The following SGCD variants were observed in gnomAD, a reference collection of about 807,000 sequenced individuals.
SGCD encodes the protein sarcoglycan delta.
A neutral mutation model predicts 36.6 loss-of-function variants in SGCD; 18 were observed. That is an observed-to-expected ratio of 0.49 (90% CI 0.34 to 0.73). SGCD has a LOEUF of 0.73. Ranked by LOEUF, SGCD falls within the 30% of genes least tolerant of loss-of-function variation. The pLI is 0.01. For missense variants in SGCD, 387 were observed against 346.7 expected (o/e 1.12, Z -0.92); for synonymous variants, 133 against 130.6 (o/e 1.02, Z -0.12).
chr5:155,764,398 A>T, the SGCD span, among the ~76,000 whole-genome samples: 1 of 152,136 alleles, frequency 6.6e-6, no homozygotes, highest in African/African-American at 2.4e-5. Flanking sequence ...TGTGGCTCAG[A>T]TAATTGAGGT....
chr5:156,109,844 A>G (rs576547603), intron 1 of SGCD, among the ~76,000 whole-genome samples: 2 of 152,258 alleles, frequency 1.3e-5, no homozygotes, highest in Admixed American at 6.5e-5. Context: ...ACTGTGACAA[A>G]TGTTTCAAAG....
chr5:156,758,678 G>A (rs751327650), intron 8 of SGCD, among the ~76,000 whole-genome samples: 5 of 151,878 alleles, frequency 3.3e-5, no homozygotes, highest in South Asian at 2.1e-4. Context: ...AGTTATAATC[G>A]TAAATCTAAT....
intron 3 of SGCD, among the ~76,000 whole-genome samples, chr5:156,134,760 G>T (rs940610688): frequency 2.0e-5 from 3 of 151,572 alleles, no homozygotes; most frequent in African/African-American, 7.3e-5. Context: ...TGAGTTAATG[G>T]GTGCAGCACA....
chr5:155,793,839 G>A, the SGCD span, among the ~76,000 whole-genome samples: 19 of 151,588 alleles, frequency 1.3e-4, no homozygotes, highest in East Asian at 1.9e-4. Flanking sequence ...ATGAGCCACC[G>A]CGCTCATCCA....
intron 1 of SGCD, among the ~76,000 whole-genome samples, chr5:155,887,368 A>G (rs1283009287): frequency 1.3e-5 from 2 of 152,178 alleles, no homozygotes; most frequent in Non-Finnish European, 2.9e-5. Context: ...CTACATTTCC[A>G]ACTTTATTAC....
chr5:156,220,462 A>C (rs904026695), intron 3 of SGCD, among the ~76,000 whole-genome samples: 9 of 152,306 alleles, frequency 5.9e-5, no homozygotes, highest in African/African-American at 4.8e-5. Flanking sequence ...TACTTATTGA[A>C]AAATTATCAG....
At chr5:156,224,470 T>G (rs1434351675) in intron 3 of SGCD, among the ~76,000 whole-genome samples, 1 of 152,166 alleles carries the variant, frequency 6.6e-6, no homozygotes, top group Non-Finnish European at 1.5e-5. Flanking sequence ...TGCTTCAATC[T>G]ATCGTTATCA....
At chr5:156,048,336 C>A (rs1480138670) in intron 1 of SGCD, among the ~76,000 whole-genome samples, 1 of 152,056 alleles carries the variant, frequency 6.6e-6, no homozygotes, top group Non-Finnish European at 1.5e-5. Context: ...GGGTATATAC[C>A]CAGTAATGAG....
chr5:156,506,174 A>T (rs1756684158), intron 3 of SGCD, among the ~76,000 whole-genome samples: 1 of 152,194 alleles, frequency 6.6e-6, no homozygotes, highest in African/African-American at 2.4e-5. Context: ...TTCTGAAACT[A>T]TTCTGTGTGT....
intron 1 of SGCD, among the ~76,000 whole-genome samples, chr5:155,891,739 T>C (rs1408145544): frequency 6.6e-6 from 1 of 151,864 alleles, no homozygotes; most frequent in East Asian, 1.9e-4. Flanking sequence ...AGAGTTGCCA[T>C]AATGGAGAAG....
At chr5:156,605,701 C>T (rs1761410396) in intron 6 of SGCD, among the ~76,000 whole-genome samples, 1 of 152,228 alleles carries the variant, frequency 6.6e-6, no homozygotes, top group South Asian at 2.1e-4. Context: ...CACATCCTCT[C>T]CAGCACTTGT....
At chr5:156,533,271 A>T (rs1757963328) in intron 4 of SGCD, among the ~76,000 whole-genome samples, 1 of 152,128 alleles carries the variant, frequency 6.6e-6, no homozygotes, top group East Asian at 1.9e-4. Flanking sequence ...CAAACTGCAG[A>T]TCTCCTAAAT....
At chr5:156,311,006 T>G (rs1767376492) in intron 3 of SGCD, among the ~76,000 whole-genome samples, 1 of 152,172 alleles carries the variant, frequency 6.6e-6, no homozygotes, top group East Asian at 1.9e-4. Context: ...AAATTTCTAG[T>G]TAGAGGGAAC....
At chr5:156,360,868 T>C (rs1769751608) in intron 3 of SGCD, among the ~76,000 whole-genome samples, 1 of 152,004 alleles carries the variant, frequency 6.6e-6, no homozygotes, top group Admixed American at 6.5e-5. Flanking sequence ...CTCATTCTAC[T>C]TGGATGCCAG....
At chr5:156,414,858 T>C (rs899154078) in intron 3 of SGCD, among the ~76,000 whole-genome samples, 2 of 152,244 alleles carry the variant, frequency 1.3e-5, no homozygotes, top group Non-Finnish European at 2.9e-5. Context: ...TGAGCAATGA[T>C]TGCTTTTATA....
chr5:156,709,668 A>T (rs898225858), intron 7 of SGCD, among the ~76,000 whole-genome samples: 1 of 152,044 alleles, frequency 6.6e-6, no homozygotes, highest in African/African-American at 2.4e-5. Flanking sequence ...AATGAATTAT[A>T]CTCTTGCACA....
chr5:155,761,572 T>C, the SGCD span, among the ~76,000 whole-genome samples: 2 of 125,734 alleles, frequency 1.6e-5, no homozygotes, highest in Non-Finnish European at 3.3e-5. Context: ...TCCATCAACT[T>C]CTCCGTCATC....
chr5:156,712,830 T>C (rs1581444378), intron 7 of SGCD, among the ~76,000 whole-genome samples: 2 of 152,290 alleles, frequency 1.3e-5, no homozygotes, highest in Middle Eastern at 6.8e-3. Context: ...TCCCACCCAC[T>C]GTCTATCAAT....
intron 3 of SGCD, among the ~76,000 whole-genome samples, chr5:156,394,275 C>T (rs1056769201): frequency 1.3e-5 from 2 of 152,112 alleles, no homozygotes; most frequent in African/African-American, 4.8e-5. Context: ...TTGTGTAATA[C>T]CAATGGAGTT....
Sources: gnomAD v4.1 joint callset for allele counts (sites outside exome capture counted in the v4.1 genomes callset) on GRCh38, gnomAD v4.1.1 for gene constraint, MANE v1.5 for transcripts, NCBI Gene and HGNC (gene_info 2026-07-23, HGNC 2026-07-21) for gene names.